Variants in ANKRD55 observed in about 807,000 individuals in gnomAD.
ANKRD55 encodes ankyrin repeat domain-containing protein 55.
ANKRD55 carries 41 observed loss-of-function variants against 60.6 expected under a neutral mutation model. That is an observed-to-expected ratio of 0.68 (90% CI 0.53 to 0.88). The LOEUF is 0.88. Ranked by LOEUF, ANKRD55 falls within the 40% of genes least tolerant of loss-of-function variation. ANKRD55 has a pLI of 0.00. For missense variants in ANKRD55, 732 were observed against 767.6 expected, an observed-to-expected ratio of 0.95 and a Z score of 0.55; for synonymous variants, 264 against 290.3, an observed-to-expected ratio of 0.91 and a Z score of 0.92.
At chr5:56,147,779 TTAA>T in intron 6 of ANKRD55, among the ~76,000 whole-genome samples, 1 of 152,246 alleles carries the variant, frequency 6.6e-6, no homozygotes, top group African/African-American at 2.4e-5. Flanking sequence ...CCTCTTAGAG[TTAA>T]TAATGTGAAA....
intron 10 of ANKRD55, among the ~76,000 whole-genome samples, chr5:56,110,314 G>T (rs573351300): frequency 6.6e-6 from 1 of 150,378 alleles, no homozygotes; most frequent in Non-Finnish European, 1.5e-5. Flanking sequence ...CAGGGGGATC[G>T]CTTGAACCCA....
intron 10 of ANKRD55, among the ~76,000 whole-genome samples, chr5:56,105,144 T>C (rs987057396): frequency 1.3e-5 from 2 of 151,308 alleles, no homozygotes; most frequent in African/African-American, 4.9e-5. Flanking sequence ...TGGAATGCAG[T>C]AGTGCCATCG....
intron 2 of ANKRD55, among the ~76,000 whole-genome samples, chr5:56,227,759 T>C (rs1440410692): frequency 1.3e-5 from 2 of 152,150 alleles, no homozygotes; most frequent in African/African-American, 4.8e-5. Context: ...GGGTAGGTCA[T>C]AACCTTTTTG....
At chr5:56,190,709 A>T (rs1165978078) in intron 2 of ANKRD55, among the ~76,000 whole-genome samples, 1 of 152,146 alleles carries the variant, frequency 6.6e-6, no homozygotes, top group Admixed American at 6.5e-5. Context: ...TGTGGTGAGG[A>T]TGATCTCATG....
intron 5 of ANKRD55, 41 bp from the exon 6 acceptor site, chr5:56,159,934 C>T (rs1758284186): frequency 1.9e-6 from 3 of 1,565,196 alleles, no homozygotes; most frequent in Admixed American, 3.3e-5. Flanking sequence ...AAATAACAGG[C>T]AGTCACGGTG....
intron 3 of ANKRD55, among the ~76,000 whole-genome samples, chr5:56,181,172 G>A (rs1443473620): frequency 6.6e-6 from 1 of 152,176 alleles, no homozygotes; most frequent in Non-Finnish European, 1.5e-5. Context: ...ACCCCAGTCT[G>A]GGTAAAAAAT....
At chr5:56,162,594 C>A (rs1297943652) in intron 5 of ANKRD55, among the ~76,000 whole-genome samples, 2 of 152,000 alleles carry the variant, frequency 1.3e-5, no homozygotes, top group East Asian at 3.9e-4. Context: ...TAACATTTTC[C>A]TGCTCTTTTG....
intron 2 of ANKRD55, among the ~76,000 whole-genome samples, chr5:56,198,788 G>A (rs303160): frequency 0.18 from 26,543 of 150,086 alleles, 2,766 homozygotes; most frequent in East Asian, 0.38. Flanking sequence ...TTAAAAACAC[G>A]TGTTTAGGGG....
chr5:56,188,495 A>G (rs1206216849), intron 2 of ANKRD55, among the ~76,000 whole-genome samples: 1 of 152,182 alleles, frequency 6.6e-6, no homozygotes, highest in Non-Finnish European at 1.5e-5. Flanking sequence ...TGACTTTTGT[A>G]TATGGTGAGA....
chr5:56,170,815 G>C lies in ANKRD55; in HGVS notation c.313-12C>G, dbSNP rs936882321. 3.1e-6 allele frequency: 5 copies of C among 1,610,508 alleles called. No homozygotes were observed. In the African/African-American group the frequency reaches 4.0e-5, roughly 13 times the overall value. Reference sequence around the variant, plus strand: ...CCTTCAAGCCAGCCCTGAAATACAAGAGCAACCACATCATTATATAACAGA... The same window carrying C: ...CCTTCAAGCCAGCCCTGAAATACAACAGCAACCACATCATTATATAACAGA... On this transcript the variant is annotated splice_polypyrimidine_tract_variant and intron_variant, in intron 4 of 11. Coordinates refer to ENST00000341048, the MANE Select transcript of ANKRD55 (RefSeq NM_024669.3).
Position 56,099,782 on chromosome 5 carries a change from TG to T in ANKRD55, c.*400del, listed in dbSNP as rs201598252. The T allele has an allele frequency of 5.5e-3, 861 of 155,214 alleles. 13 individuals carry two copies. Among genetic ancestry groups the T allele is most frequent in the African/African-American group, 0.021 (806 of 38,984 alleles). The allele number at this position is 155,214 out of a possible 1,614,324, so 9.6% of individuals were successfully genotyped here. A position where few individuals can be genotyped will look rare whatever the true frequency, so the allele number is the denominator to read the frequency against. On this transcript the variant is annotated 3_prime_UTR_variant, in exon 12 of 12. Transcript: ENST00000341048. ...TTTGTCTGGGATGTGGTTTTTTTTTTGTTTTGTTTTTTGCTTTTATTCAGCA... is the reference window on the plus strand; with the variant it reads ...TTTGTCTGGGATGTGGTTTTTTTTTTTTTTGTTTTTTGCTTTTATTCAGCA...
chr5:56,176,451 A>AT (rs1383966961), intron 3 of ANKRD55, among the ~76,000 whole-genome samples, 169 bp from the exon 4 acceptor site: 46 of 152,040 alleles, frequency 3.0e-4, no homozygotes, highest in Admixed American at 2.0e-3. Context: ...TAAACTATGT[A>AT]TTTTTTTTAC....
At chr5:56,221,886 G>T (rs1489775778) in intron 2 of ANKRD55, among the ~76,000 whole-genome samples, 3 of 152,230 alleles carry the variant, frequency 2.0e-5, no homozygotes, top group Non-Finnish European at 2.9e-5. Context: ...GTTCAAGGAG[G>T]CCTGCCTGCC....
intron 2 of ANKRD55, among the ~76,000 whole-genome samples, chr5:56,186,010 G>C (rs160934): frequency 0.3 from 45,214 of 152,118 alleles, 7,531 homozygotes; most frequent in African/African-American, 0.44. Context: ...CATTTGCCTG[G>C]GGGCCAGAAG....
chr5:56,116,517 A>G, intron 9 of ANKRD55, 98 bp downstream of exon 9: 1 of 993,552 alleles, frequency 1.0e-6, no homozygotes, highest in Non-Finnish European at 1.4e-6. Context: ...GTATAATAAT[A>G]TTATTATTGG....
chr5:56,175,071 C>T (rs1246500867), intron 4 of ANKRD55, among the ~76,000 whole-genome samples: 1 of 152,124 alleles, frequency 6.6e-6, no homozygotes, highest in Non-Finnish European at 1.5e-5. Flanking sequence ...GATCTGTGGA[C>T]CACAGTTTGA....
intron 7 of ANKRD55, among the ~76,000 whole-genome samples, chr5:56,128,659 C>T (rs554891659): frequency 5.3e-5 from 8 of 152,306 alleles, no homozygotes; most frequent in African/African-American, 1.7e-4. Flanking sequence ...ACTGTGTGAT[C>T]GTCTGGGCCT....
chr5:56,197,250 T>G (rs189999889), intron 2 of ANKRD55, among the ~76,000 whole-genome samples: 5 of 152,328 alleles, frequency 3.3e-5, no homozygotes, highest in African/African-American at 1.2e-4. Flanking sequence ...CCAAAGTGAC[T>G]AATATCAGGG....
intron 4 of ANKRD55, among the ~76,000 whole-genome samples, chr5:56,173,355 G>C (rs186446804): frequency 1.1e-4 from 16 of 151,524 alleles, no homozygotes; most frequent in African/African-American, 3.9e-4. Context: ...GCGCCACCAC[G>C]CCTGGCTACA....
Sources: gnomAD v4.1 joint callset for allele counts (sites outside exome capture counted in the v4.1 genomes callset) on GRCh38, gnomAD v4.1.1 for gene constraint, MANE v1.5 for transcripts, NCBI Gene and HGNC (gene_info 2026-07-23, HGNC 2026-07-21) for gene names.